Variants in ADGRV1 observed in about 807,000 individuals in gnomAD.
ADGRV1 encodes the protein G-protein coupled receptor 98.
Under a neutral mutation model 596.2 loss-of-function variants are expected in ADGRV1, and 359 were observed. The observed-to-expected ratio is 0.60, with a 90% confidence interval of 0.55 to 0.66. The LOEUF (loss-of-function observed/expected upper bound fraction) is 0.66. Among genes scored for constraint, ADGRV1 ranks in the 30% least tolerant of loss-of-function variants. ADGRV1 has a pLI of 0.00. For missense variants in ADGRV1, 7,274 were observed against 7,575.6 expected, an observed-to-expected ratio of 0.96 and a Z score of 1.48; for synonymous variants, 2,681 against 2,679.2, an observed-to-expected ratio of 1.00 and a Z score of -0.02.
chr5:90,589,041 G>A (rs1759137024), intron 1 of ADGRV1, among the ~76,000 whole-genome samples: 1 of 152,066 alleles, frequency 6.6e-6, no homozygotes, highest in Non-Finnish European at 1.5e-5. Context: ...AACACAAAGA[G>A]AAAAATAAAG....
At chr5:91,101,466 C>T (rs1791368555) in intron 86 of ADGRV1, among the ~76,000 whole-genome samples, 1 of 152,080 alleles carries the variant, frequency 6.6e-6, no homozygotes. Context: ...CTGCAAAGAT[C>T]CGATTCACTT....
intron 1 of ADGRV1, among the ~76,000 whole-genome samples, chr5:90,590,750 A>G (rs1241447915): frequency 6.6e-6 from 1 of 152,224 alleles, no homozygotes; most frequent in Non-Finnish European, 1.5e-5. Context: ...ATCCAATTTG[A>G]AAGTATAATA....
At chr5:90,685,075 T>G (rs1309695380) in intron 28 of ADGRV1, among the ~76,000 whole-genome samples, 1 of 152,196 alleles carries the variant, frequency 6.6e-6, no homozygotes, top group East Asian at 1.9e-4. Flanking sequence ...TTAATTATAC[T>G]CTAATGATTT....
At chr5:90,772,711 A>C (rs1266657901) in intron 59 of ADGRV1, among the ~76,000 whole-genome samples, 1 of 152,234 alleles carries the variant, frequency 6.6e-6, no homozygotes, top group East Asian at 1.9e-4. Flanking sequence ...TAGAGGAACC[A>C]ACTGTATATA....
intron 85 of ADGRV1, among the ~76,000 whole-genome samples, chr5:91,035,860 AT>A (rs370694025): frequency 0.011 from 363 of 34,188 alleles, 15 homozygotes; most frequent in African/African-American, 0.019. Flanking sequence ...ATATATATAT[AT>A]TATATATATA....
intron 87 of ADGRV1, among the ~76,000 whole-genome samples, chr5:91,124,972 G>A (rs550779184): frequency 8.5e-5 from 13 of 152,306 alleles, no homozygotes; most frequent in African/African-American, 3.1e-4. Context: ...AGACAGAGGA[G>A]AAGGGATAAG....
chr5:90,621,972 G>T (rs565282595), intron 4 of ADGRV1, among the ~76,000 whole-genome samples: 45 of 152,228 alleles, frequency 3.0e-4, no homozygotes, highest in Non-Finnish European at 5.7e-4. Context: ...TATGTATGGG[G>T]CTACTGAGTT....
At position 90,684,088 on chromosome 5, in the gene ADGRV1, CA is replaced by C; in HGVS notation, c.6169del (p.Thr2057GlnfsTer2). ...CTTTTTGGAGCTAATCAGAGTGAGG[CA>C]ACAATAGCTATTTCAATTTTGGATG... ...FALFGANQSE[A>X]TIAISILDDD... On this transcript the variant is annotated frameshift_variant, in exon 28 of 90. Coordinates refer to ENST00000405460, the MANE Select transcript of ADGRV1 (RefSeq NM_032119.4). LOFTEE classifies it high-confidence loss of function. 2 of 1,613,890 alleles carry C rather than the reference CA, an allele frequency of 1.2e-6. No individual in the cohort carries two copies.
chr5:90,673,643 C>T (rs138472012), intron 22 of ADGRV1, among the ~76,000 whole-genome samples: 1 of 152,176 alleles, frequency 6.6e-6, no homozygotes, highest in Admixed American at 6.5e-5. Context: ...TCTCAATATG[C>T]CCTCCTCACG....
chr5:90,659,771 G>A (rs1259444971), intron 21 of ADGRV1, among the ~76,000 whole-genome samples: 8 of 152,148 alleles, frequency 5.3e-5, no homozygotes, highest in African/African-American at 1.9e-4. Context: ...GGTGGCTCAC[G>A]CCTGTAATCC....
chr5:90,919,315 A>G (rs1773665873), intron 83 of ADGRV1, among the ~76,000 whole-genome samples: 1 of 152,200 alleles, frequency 6.6e-6, no homozygotes, highest in African/African-American at 2.4e-5. Context: ...GCCCGATCAT[A>G]AAAGCAATGT....
At chr5:91,101,166 G>T (rs1051213309) in intron 86 of ADGRV1, among the ~76,000 whole-genome samples, 1 of 152,028 alleles carries the variant, frequency 6.6e-6, no homozygotes, top group Non-Finnish European at 1.5e-5. Flanking sequence ...TTATTCAGAG[G>T]GTAATGGGGG....
intron 77 of ADGRV1, among the ~76,000 whole-genome samples, chr5:90,840,190 C>T (rs1034879523): frequency 2.0e-5 from 3 of 152,128 alleles, no homozygotes; most frequent in African/African-American, 7.2e-5. Context: ...CCAGCCTGCC[C>T]CCCAAAATTT....
intron 83 of ADGRV1, among the ~76,000 whole-genome samples, chr5:90,899,630 T>A (rs4916829): frequency 1.2e-4 from 19 of 152,132 alleles, no homozygotes; most frequent in East Asian, 1.9e-4. Context: ...TTTCTCCCTC[T>A]GCCTCATCCC....
intron 85 of ADGRV1, among the ~76,000 whole-genome samples, chr5:91,001,670 T>C (rs1264816633): frequency 6.6e-6 from 1 of 152,250 alleles, no homozygotes; most frequent in African/African-American, 2.4e-5. Flanking sequence ...TTGTGATTTA[T>C]GTTTTTAAAT....
intron 1 of ADGRV1, among the ~76,000 whole-genome samples, chr5:90,568,208 GTTCT>G (rs1755905360): frequency 6.6e-6 from 1 of 151,610 alleles, no homozygotes; most frequent in African/African-American, 2.4e-5. Flanking sequence ...GGCAGTTTAG[GTTCT>G]TTATTTGAGA....
intron 81 of ADGRV1, among the ~76,000 whole-genome samples, chr5:90,855,345 A>G (rs1766925201): frequency 6.6e-6 from 1 of 152,184 alleles, no homozygotes; most frequent in African/African-American, 2.4e-5. Context: ...TGTGGAAGAA[A>G]AAAAACAAAG....
intron 85 of ADGRV1, among the ~76,000 whole-genome samples, chr5:91,053,376 T>C (rs1304183352): frequency 6.6e-6 from 1 of 152,184 alleles, no homozygotes; most frequent in Non-Finnish European, 1.5e-5. Context: ...TTAATTGTGG[T>C]CCCTACCCCT....
intron 83 of ADGRV1, among the ~76,000 whole-genome samples, chr5:90,873,900 T>C (rs1256302711): frequency 6.6e-6 from 1 of 152,198 alleles, no homozygotes; most frequent in African/African-American, 2.4e-5. Flanking sequence ...CTTCTGTCAA[T>C]TGTCACCATT....
Sources: allele counts gnomAD v4.1 joint callset (sites outside exome capture counted in the v4.1 genomes callset), GRCh38; gene constraint gnomAD v4.1.1; transcripts MANE v1.5; gene names NCBI Gene and HGNC (gene_info 2026-07-23, HGNC 2026-07-21).